The following DHX33 variants were observed in gnomAD, a reference collection of about 807,000 sequenced individuals.
DHX33 encodes DEAH-box helicase 33.
A neutral mutation model predicts 72.5 loss-of-function variants in DHX33; 42 were observed. That is an observed-to-expected ratio of 0.58 (90% CI 0.45 to 0.75). DHX33 has a LOEUF of 0.75. Ranked by LOEUF, DHX33 falls within the 30% of genes least tolerant of loss-of-function variation. The pLI, the probability that DHX33 is intolerant of heterozygous loss-of-function variation, is 0.00. For synonymous variants in DHX33, 358 were observed against 366.1 expected (o/e 0.98, Z 0.25); for missense variants, 842 against 917.5 (o/e 0.92, Z 1.06).
chr17:5,456,272 A>G, intron 4 of DHX33, 90 bp from the exon 5 acceptor site: 10 of 1,363,446 alleles, frequency 7.3e-6, no homozygotes, highest in Non-Finnish European at 1.0e-5. Context: ...TGTTTCCCAG[A>G]GTTATTTCTC....
At chr17:5,465,220 C>A (rs1230794000) in intron 1 of DHX33, among the ~76,000 whole-genome samples, 2 of 152,222 alleles carry the variant, frequency 1.3e-5, no homozygotes, top group South Asian at 2.1e-4. Context: ...CCAGGCCTCT[C>A]TGACTTCAAA....
intron 5 of DHX33, 149 bp from the exon 6 acceptor site, chr17:5,455,420 T>A (rs1340398250): frequency 1.4e-6 from 1 of 693,352 alleles, no homozygotes; most frequent in African/African-American, 1.8e-5. Context: ...TATTAATGGT[T>A]GGTCATTAAA....
At chr17:5,455,337 A>G in intron 5 of DHX33, 66 bp from the exon 6 acceptor site, 1 of 1,300,580 alleles carries the variant, frequency 7.7e-7, no homozygotes, top group Admixed American at 1.7e-5. Flanking sequence ...CTTCAAACAT[A>G]TTCTCACCAT....
In DHX33 at chr17:5,468,607, C is replaced by T. The variant is rs768779428; in HGVS notation, c.253G>A (p.Ala85Thr). 3 of 1,609,666 alleles carry T rather than the reference C, an allele frequency of 1.9e-6. No homozygotes were observed. The highest frequency in any genetic ancestry group is 2.5e-6 in the Non-Finnish European group (3 of 1,178,758). Residue 85 changes from alanine to threonine, a missense_variant, in exon 1 of 12, where the codon GCC (alanine) becomes ACC (threonine). Transcript: ENST00000225296. ...PIFQARGQLL[A>T]QLRNLDNAVL... ...GCGTTGTCCAGGTTTCGGAGCTGGG[C>T]CAACAGTTGCCCCCGCGCTTGGAAG...
intron 8 of DHX33, among the ~76,000 whole-genome samples, chr17:5,451,967 G>C (rs531630757): frequency 6.6e-6 from 1 of 152,138 alleles, no homozygotes; most frequent in South Asian, 2.1e-4. Context: ...ACAAACAACA[G>C]GTGGTTTAGG....
intron 8 of DHX33, among the ~76,000 whole-genome samples, chr17:5,451,216 C>T (rs1164660573): frequency 6.6e-6 from 1 of 152,206 alleles, no homozygotes; most frequent in African/African-American, 2.4e-5. Flanking sequence ...AGCGATTCTC[C>T]TGCCTCAGCC....
chr17:5,454,663 T>C (rs1917110848), intron 6 of DHX33, among the ~76,000 whole-genome samples: 1 of 152,154 alleles, frequency 6.6e-6, no homozygotes, highest in South Asian at 2.1e-4. Context: ...AAATCCTCTG[T>C]GGAATAAAGC....
chr17:5,445,802 T>A (rs560676281), intron 11 of DHX33, among the ~76,000 whole-genome samples: 6 of 152,176 alleles, frequency 3.9e-5, no homozygotes, highest in Non-Finnish European at 8.8e-5. Flanking sequence ...AAGCAGCAGG[T>A]CCAGAGAAAG....
Position 5,451,030 on chromosome 17 carries a change from A to G in DHX33, c.1397-96T>C, listed in dbSNP as rs79152683. 1.4e-4 allele frequency: 194 copies of G among 1,429,246 alleles called. 1 individual carries two copies. In the East Asian group the frequency reaches 3.5e-3, roughly 25 times the overall value. The allele number at this position is 1,429,246 out of a possible 1,614,324, so 88.5% of individuals were successfully genotyped here. A position where few individuals can be genotyped will look rare whatever the true frequency, so the allele number is the denominator to read the frequency against. On this transcript the variant is annotated intron_variant, in intron 8 of 11. Coordinates refer to ENST00000225296, the MANE Select transcript of DHX33 (RefSeq NM_020162.4). Reference sequence around the variant, plus strand: ...TGGGAGCTTCTGATAATTCTACATCAAACAACAGCAAAAATCATAACCGCC... The same window carrying G: ...TGGGAGCTTCTGATAATTCTACATCGAACAACAGCAAAAATCATAACCGCC...
At chr17:5,460,260 C>T (rs991519636) in intron 4 of DHX33, among the ~76,000 whole-genome samples, 9 of 150,918 alleles carry the variant, frequency 6.0e-5, no homozygotes, top group East Asian at 2.0e-4. Flanking sequence ...ATGATCCACC[C>T]GCCTCGGCCT....
At chr17:5,461,989 G>GA (rs1408134763) in intron 3 of DHX33, among the ~76,000 whole-genome samples, 2 of 146,064 alleles carry the variant, frequency 1.4e-5, no homozygotes, top group Admixed American at 6.9e-5. Context: ...ACCCAGGCTG[G>GA]AGTGCAGTGG....
At chr17:5,461,648 AG>A (rs1268584034) in intron 3 of DHX33, among the ~76,000 whole-genome samples, 1 of 150,256 alleles carries the variant, frequency 6.7e-6, no homozygotes, top group Non-Finnish European at 1.5e-5. Context: ...GTCTTGTTCA[AG>A]TGACTCTCCT....
chr17:5,447,424 A>G (rs1021664144), intron 11 of DHX33, among the ~76,000 whole-genome samples: 1 of 151,986 alleles, frequency 6.6e-6, no homozygotes, highest in African/African-American at 2.4e-5. Flanking sequence ...GGAGGCCAAA[A>G]CCATCCTGGC....
At chr17:5,449,167 G>C (rs1916783701) in intron 10 of DHX33, among the ~76,000 whole-genome samples, 1 of 152,124 alleles carries the variant, frequency 6.6e-6, no homozygotes, top group Admixed American at 6.6e-5. Flanking sequence ...GTGCCAAAAA[G>C]AAACGTAGGA....
At position 5,460,995 on chromosome 17, in the gene DHX33, G is replaced by A; in HGVS notation, c.793C>T (p.Gln265Ter). Residue 265 changes from glutamine (Q) to a stop codon, truncating the protein, a stop_gained, in exon 4 of 12, where the codon CAG becomes TAG. Coordinates refer to ENST00000225296, the MANE Select transcript of DHX33 (RefSeq NM_020162.4). LOFTEE classifies it high-confidence loss of function. ...QHPIQVFYTK[Q>*]PQNDYLHAAL... The stretch of plus-strand genomic sequence containing the variant: ...GCGTGCAGGTAATCATTCTGAGGCT[G>A]TTTGGTGTAAAACACCTGGATCGGA... The A allele has an allele frequency of 6.2e-7, 1 of 1,614,138 alleles. No homozygotes were observed.
In DHX33 at chr17:5,456,048, G is replaced by A. The variant is rs143762083; in HGVS notation, c.984C>T (p.Tyr328=). 4.2e-4 allele frequency: 681 copies of A among 1,613,418 alleles called. 9 individuals carry two copies. In the East Asian group the frequency reaches 0.014, roughly 33 times the overall value. The change falls in exon 5 of 12, where the codon TAC becomes TAT. Residue 328 remains tyrosine, a synonymous_variant. Transcript: ENST00000225296. ...GCTGCTGTGCATAGGGCAGGGAGGC[G>A]TACAGAGGAAGGACCAGCATCGCAG... The part of the protein sequence containing the change: ...GCPAMLVLPL[Y]ASLPYAQQLR...
At chr17:5,454,771 CAGG>C (rs1283258318) in intron 6 of DHX33, among the ~76,000 whole-genome samples, 2 of 152,190 alleles carry the variant, frequency 1.3e-5, no homozygotes, top group East Asian at 1.9e-4. Context: ...TCACCTCAGC[CAGG>C]AGATCTGGTT....
chr17:5,463,567 T>C lies in DHX33; in HGVS notation c.412A>G (p.Arg138Gly), dbSNP rs1904737242. ...RRVAAISLAT[R>G]VSDEKRTELG... ...TCAGTTCTCTTCTCATCTGAGACTC[T>C]AGTAGCAAGAGAGATGGCAGCTACT... Residue 138 changes from arginine to glycine, a missense_variant, in exon 2 of 12, where the codon AGA (arginine) becomes GGA (glycine). By Grantham distance (125) the Arg-to-Gly change is moderately radical (BLOSUM62 -2). Coordinates refer to ENST00000225296, the MANE Select transcript of DHX33 (RefSeq NM_020162.4). The C allele has an allele frequency of 6.2e-7, 1 of 1,614,008 alleles. No homozygotes were observed. Among genetic ancestry groups the C allele is most frequent in the Non-Finnish European group, 8.5e-7 (1 of 1,180,014 alleles).
intron 10 of DHX33, among the ~76,000 whole-genome samples, chr17:5,449,668 C>T (rs1350096499): frequency 2.0e-5 from 3 of 152,198 alleles, no homozygotes; most frequent in African/African-American, 7.2e-5. Flanking sequence ...AAGTCCTGGG[C>T]TCAAGTGATC....
Sources: allele counts gnomAD v4.1 joint callset (sites outside exome capture counted in the v4.1 genomes callset), GRCh38; gene constraint gnomAD v4.1.1; transcripts MANE v1.5; gene names NCBI Gene and HGNC (gene_info 2026-07-23, HGNC 2026-07-21).